The following ALK variants were observed in gnomAD, a reference collection of about 807,000 sequenced individuals.
ALK encodes ALK receptor tyrosine kinase.
ALK carries 74 observed loss-of-function variants against 163.1 expected under a neutral mutation model. The observed-to-expected ratio is 0.45, with a 90% CI of 0.38 to 0.55. ALK has a LOEUF of 0.55. Ranked by LOEUF, ALK falls within the 20% of genes least tolerant of loss-of-function variation. The probability of loss-of-function intolerance (pLI) is 0.00; values close to 1 mark genes in which losing one functional copy is unlikely to be tolerated. For missense variants in ALK, 2,063 were observed against 2,105.3 expected, an observed-to-expected ratio of 0.98 and a Z score of 0.39; for synonymous variants, 960 against 843.2, an observed-to-expected ratio of 1.14 and a Z score of -2.40.
At position 29,694,930 on chromosome 2, in the gene ALK, C is replaced by T. The variant is rs572340007; in HGVS notation, c.872G>A (p.Arg291His). Residue 291 changes from arginine (R) to histidine (H), a missense_variant, in exon 3 of 29, where the codon CGC (arginine) becomes CAC (histidine). This residue lies in a region of ALK where 987 missense variants were observed against 939.5 expected (regional missense o/e 1.05). Coordinates refer to ENST00000389048, the MANE Select transcript of ALK (RefSeq NM_004304.5). ...GGAGGCCTCCTCGGAGGGGATGCGG[C>T]GCCAGGACCAGCTCTGGTTCCTGAG... ...HDLRNQSWSWRRIPSEEASQM... is the reference protein window; with the variant it reads ...HDLRNQSWSWHRIPSEEASQM... 2.5e-5 allele frequency: 40 copies of T among 1,614,124 alleles called. No individual in the cohort carries two copies. The highest frequency in any genetic ancestry group is 2.2e-4 in the East Asian group (10 of 44,866).
chr2:29,397,757 C>T (rs1226598266), intron 4 of ALK, among the ~76,000 whole-genome samples: 1 of 152,182 alleles, frequency 6.6e-6, no homozygotes, highest in African/African-American at 2.4e-5. Context: ...ATACTATCAC[C>T]ATACCCTTCA....
At chr2:29,426,654 C>T (rs1670141821) in intron 4 of ALK, among the ~76,000 whole-genome samples, 1 of 152,178 alleles carries the variant, frequency 6.6e-6, no homozygotes, top group South Asian at 2.1e-4. Context: ...TACCCACACA[C>T]ACACCAAAGA....
At chr2:29,841,491 G>C (rs1665697067) in intron 1 of ALK, among the ~76,000 whole-genome samples, 2 of 152,206 alleles carry the variant, frequency 1.3e-5, no homozygotes. Context: ...CAGTTTGTAT[G>C]TTAGAGAAGG....
chr2:29,833,122 C>T lies in ALK; in HGVS notation c.667+86871G>A, dbSNP rs150290440. On this transcript the variant is annotated intron_variant, in intron 1 of 28. Coordinates refer to ENST00000389048, the MANE Select transcript of ALK (RefSeq NM_004304.5). ...GTCAGGGGACAAGACCTCCGGACTC[C>T]GGCCACATAGAGCCCTCATGCCTGG... is the stretch of plus-strand genomic sequence containing the variant. Among the ~76,000 whole-genome samples the T allele has an allele frequency of 5.9e-5, 9 of 152,284 alleles. No homozygotes were observed. In the South Asian group the frequency reaches 1.2e-3, roughly 21 times the overall value.
At chr2:29,526,253 A>G (rs1672957302) in intron 4 of ALK, among the ~76,000 whole-genome samples, 1 of 152,190 alleles carries the variant, frequency 6.6e-6, no homozygotes, top group South Asian at 2.1e-4. Context: ...CCATTTGACA[A>G]AGATGAGGCT....
chr2:29,798,756 T>A (rs74544931), intron 1 of ALK, among the ~76,000 whole-genome samples: 6,125 of 152,190 alleles, frequency 0.04, 209 homozygotes, highest in Non-Finnish European at 0.06. Flanking sequence ...GACGGCTTTA[T>A]CCCCACCCCA....
At chr2:29,615,751 A>T (rs1320551237) in intron 3 of ALK, among the ~76,000 whole-genome samples, 2 of 152,180 alleles carry the variant, frequency 1.3e-5, no homozygotes, top group East Asian at 3.9e-4. Context: ...ACTTTTGCTG[A>T]TATCAGTAGG....
chr2:29,662,451 AT>A (rs941106190), intron 3 of ALK, among the ~76,000 whole-genome samples: 1 of 152,154 alleles, frequency 6.6e-6, no homozygotes, highest in African/African-American at 2.4e-5. Context: ...CAAAAGTGAA[AT>A]TTGGCCCCTT....
intron 3 of ALK, among the ~76,000 whole-genome samples, chr2:29,609,751 C>A (rs1675639035): frequency 6.6e-6 from 1 of 151,780 alleles, no homozygotes; most frequent in Admixed American, 6.6e-5. Flanking sequence ...TCAAGCAATT[C>A]TCCCACCTCA....
intron 7 of ALK, among the ~76,000 whole-genome samples, chr2:29,320,166 G>A: frequency 6.6e-6 from 1 of 152,258 alleles, no homozygotes; most frequent in East Asian, 1.9e-4. Context: ...TCTCTTGGCT[G>A]CGTGGAGGCC....
chr2:29,393,796 T>G (rs1669238254), intron 4 of ALK, among the ~76,000 whole-genome samples: 1 of 152,232 alleles, frequency 6.6e-6, no homozygotes, highest in South Asian at 2.1e-4. Flanking sequence ...ATGCCAGCTG[T>G]ACTCATTAAG....
At chr2:29,274,975 T>TA (rs1461382819) in intron 11 of ALK, 124 bp downstream of exon 11, 2 of 1,288,358 alleles carry the variant, frequency 1.6e-6, no homozygotes, top group African/African-American at 2.9e-5. Context: ...GTGTAGGTGA[T>TA]ACTCCTTCTA....
At position 29,223,632 on chromosome 2, in the gene ALK, C is replaced by T. The variant is rs2148171521; in HGVS notation, c.3173-104G>A. The T allele has an allele frequency of 4.6e-6, 5 of 1,080,614 alleles. No homozygotes were observed. In the South Asian group the frequency reaches 6.7e-5, roughly 14 times the overall value. 66.9% of individuals were successfully genotyped at this position (1,080,614 alleles called of 1,614,324 possible). On this transcript the variant is annotated intron_variant, in intron 19 of 28. Coordinates refer to ENST00000389048, the MANE Select transcript of ALK (RefSeq NM_004304.5). ...GCCTCCCTGGATCTCCATATCCTCC[C>T]CTGAGCTCTGAACCTTTCCATCATA...
intron 9 of ALK, among the ~76,000 whole-genome samples, chr2:29,291,354 G>A (rs1037897400): frequency 6.6e-6 from 1 of 151,932 alleles, no homozygotes; most frequent in Non-Finnish European, 1.5e-5. Context: ...ACAGAGTGAG[G>A]CCTTGTCTCT....
chr2:29,738,376 T>C (rs1558466625), intron 1 of ALK, among the ~76,000 whole-genome samples: 1 of 152,114 alleles, frequency 6.6e-6, no homozygotes, highest in Non-Finnish European at 1.5e-5. Flanking sequence ...GTATCATTAC[T>C]TTTTATCATA....
At chr2:29,393,120 C>G (rs755081105) in intron 4 of ALK, among the ~76,000 whole-genome samples, 1 of 152,090 alleles carries the variant, frequency 6.6e-6, no homozygotes, top group Non-Finnish European at 1.5e-5. Context: ...ACCCCCTACT[C>G]CCATCATTTG....
intron 3 of ALK, among the ~76,000 whole-genome samples, chr2:29,663,872 G>A (rs1677428332): frequency 6.6e-6 from 1 of 152,096 alleles, no homozygotes. Context: ...TTGTCTATAT[G>A]TCAAGTAACA....
intron 5 of ALK, among the ~76,000 whole-genome samples, chr2:29,338,517 A>G (rs988532855): frequency 1.3e-5 from 2 of 152,230 alleles, no homozygotes; most frequent in Non-Finnish European, 2.9e-5. Context: ...GATCTCAACA[A>G]TTCCTGCTAA....
At chr2:29,331,344 G>A (rs984253550) in intron 5 of ALK, among the ~76,000 whole-genome samples, 3 of 152,138 alleles carry the variant, frequency 2.0e-5, no homozygotes, top group Admixed American at 6.5e-5. Flanking sequence ...CACCCAACAC[G>A]GATGGAAAAT....
Sources: allele counts gnomAD v4.1 joint callset (sites outside exome capture counted in the v4.1 genomes callset), GRCh38; gene constraint gnomAD v4.1.1; regional missense constraint gnomAD v4.1.1; transcripts MANE v1.5; gene names NCBI Gene and HGNC (gene_info 2026-07-23, HGNC 2026-07-21).